ADAMTS19: variants seen among roughly 807,000 people sequenced by gnomAD.
ADAMTS19 encodes A disintegrin and metalloproteinase with thrombospondin motifs 19.
ADAMTS19 carries 93 observed loss-of-function variants against 153.3 expected under a neutral mutation model. The ratio of observed to expected loss-of-function variants is 0.61; its 90% CI spans 0.51 to 0.72. The LOEUF is 0.72. Among genes scored for constraint, ADAMTS19 ranks in the 30% least tolerant of loss-of-function variants. The pLI, the probability that ADAMTS19 is intolerant of heterozygous loss-of-function variation, is 0.00. For synonymous variants in ADAMTS19, 600 were observed against 556.6 expected (o/e 1.08, Z -1.10); for missense variants, 1,482 against 1,552.1 (o/e 0.95, Z 0.76).
At chr5:129,729,919 A>T (rs372169466) in intron 21 of ADAMTS19, among the ~76,000 whole-genome samples, 19 of 152,144 alleles carry the variant, frequency 1.2e-4, no homozygotes, top group African/African-American at 4.3e-4. Flanking sequence ...AATATCGAGA[A>T]CCTTCTTTAT....
intron 21 of ADAMTS19, among the ~76,000 whole-genome samples, chr5:129,711,242 T>C (rs567431076): frequency 6.6e-6 from 1 of 152,248 alleles, no homozygotes; most frequent in South Asian, 2.1e-4. Context: ...AAATAGAAAA[T>C]GTTAAGTATC....
chr5:129,606,952 C>T (rs1750927237), intron 8 of ADAMTS19, among the ~76,000 whole-genome samples: 1 of 151,978 alleles, frequency 6.6e-6, no homozygotes, highest in African/African-American at 2.4e-5. Context: ...GAGTCTCACT[C>T]TGTTGCCCAG....
At chr5:129,641,260 C>G (rs1484947865) in intron 10 of ADAMTS19, among the ~76,000 whole-genome samples, 1 of 152,046 alleles carries the variant, frequency 6.6e-6, no homozygotes, top group African/African-American at 2.4e-5. Context: ...ATTTTTTATT[C>G]CCTTTAACAT....
intron 2 of ADAMTS19, among the ~76,000 whole-genome samples, chr5:129,466,470 C>T (rs1442338402): frequency 6.6e-6 from 1 of 151,398 alleles, no homozygotes; most frequent in Admixed American, 6.6e-5. Context: ...AAAATAGGAA[C>T]AAACTGCTAT....
intron 8 of ADAMTS19, among the ~76,000 whole-genome samples, chr5:129,610,313 A>G (rs1018126561): frequency 3.3e-5 from 5 of 152,168 alleles, no homozygotes; most frequent in Admixed American, 6.6e-5. Context: ...ATCATACTTT[A>G]AGTTCTAGGG....
intron 3 of ADAMTS19, among the ~76,000 whole-genome samples, chr5:129,523,006 G>A (rs1751878416): frequency 6.7e-6 from 1 of 149,632 alleles, no homozygotes. Flanking sequence ...AGTGAGCGGA[G>A]ATCGCGACAC....
chr5:129,691,071 G>A (rs750488995), intron 18 of ADAMTS19, among the ~76,000 whole-genome samples: 2 of 152,000 alleles, frequency 1.3e-5, no homozygotes, highest in Admixed American at 6.6e-5. Context: ...CCATTTTATG[G>A]GTTAAATACA....
chr5:129,684,833 A>G (rs1348239907), intron 18 of ADAMTS19, among the ~76,000 whole-genome samples: 5 of 152,026 alleles, frequency 3.3e-5, no homozygotes, highest in African/African-American at 1.2e-4. Flanking sequence ...AAAAAATACA[A>G]AAAATTAGCC....
At chr5:129,668,146 T>C (rs1017106648) in intron 16 of ADAMTS19, among the ~76,000 whole-genome samples, 2 of 152,170 alleles carry the variant, frequency 1.3e-5, no homozygotes, top group Admixed American at 1.3e-4. Flanking sequence ...TGTGACCTTG[T>C]CACTCCATTG....
In ADAMTS19 at chr5:129,529,672, A is replaced by T. The variant is rs560167589; in HGVS notation, c.1328+995A>T. On this transcript the variant is annotated intron_variant, in intron 6 of 22. Transcript: ENST00000274487. ...GAAAAAATTCTTAACTAGCGTAGCA[A>T]GCTAGAATCTAGGTAGAGCACAGTG... 5.9e-5 allele frequency among the ~76,000 whole-genome samples: 9 copies of T among 152,300 alleles called. No individual in the cohort carries two copies. In the East Asian group the frequency reaches 1.7e-3, roughly 29 times the overall value.
chr5:129,672,851 T>C (rs1472525571), intron 16 of ADAMTS19, among the ~76,000 whole-genome samples: 1 of 152,028 alleles, frequency 6.6e-6, no homozygotes, highest in African/African-American at 2.4e-5. Context: ...CATATATGGC[T>C]ATTCAGATAT....
intron 22 of ADAMTS19, among the ~76,000 whole-genome samples, chr5:129,736,194 T>C (rs1260559832): frequency 6.6e-6 from 1 of 152,014 alleles, no homozygotes; most frequent in Non-Finnish European, 1.5e-5. Flanking sequence ...CTCCAACAAT[T>C]AGTTGGAGTC....
At chr5:129,695,959 AC>A (rs1755532977) in intron 19 of ADAMTS19, among the ~76,000 whole-genome samples, 1 of 152,166 alleles carries the variant, frequency 6.6e-6, no homozygotes, top group East Asian at 1.9e-4. Context: ...AACTGATATA[AC>A]CGTCTTCATG....
intron 10 of ADAMTS19, among the ~76,000 whole-genome samples, chr5:129,632,739 A>G (rs925122111): frequency 6.6e-6 from 1 of 152,006 alleles, no homozygotes; most frequent in African/African-American, 2.4e-5. Flanking sequence ...TCCATAGTTT[A>G]AGATGAGAAA....
intron 2 of ADAMTS19, among the ~76,000 whole-genome samples, chr5:129,480,990 A>G (rs1285572885): frequency 2.6e-5 from 4 of 152,326 alleles, no homozygotes; most frequent in South Asian, 2.1e-4. Flanking sequence ...AAAATATTTT[A>G]TATAATAATT....
rs182959230 is a variant in ADAMTS19 at position 129,483,920 on chromosome 5, G to A, written c.747+22163G>A. On this transcript the variant is annotated intron_variant, in intron 2 of 22. Transcript: ENST00000274487. The stretch of plus-strand genomic sequence containing the variant: ...TTTGAATGGGGGGTGGGGAGACACA[G>A]GGCTTGCGTTATTAAAAGTTTTATA... 1.8e-3 allele frequency among the ~76,000 whole-genome samples: 268 copies of A among 152,232 alleles called. 2 individuals carry two copies. The highest frequency in any genetic ancestry group is 3.4e-3 in the Middle Eastern group (1 of 294).
intron 17 of ADAMTS19, among the ~76,000 whole-genome samples, chr5:129,681,543 T>C (rs1754812655): frequency 6.6e-6 from 1 of 152,122 alleles, no homozygotes; most frequent in Non-Finnish European, 1.5e-5. Flanking sequence ...ATTACTCTAG[T>C]TTACAGATTA....
intron 17 of ADAMTS19, 79 bp from the exon 18 acceptor site, chr5:129,684,041 C>G: frequency 7.1e-7 from 1 of 1,414,484 alleles, no homozygotes; most frequent in Middle Eastern, 2.3e-4. Context: ...TTTTAAGTAT[C>G]AATATTGTTA....
At chr5:129,623,719 T>C (rs748773774) in intron 10 of ADAMTS19, among the ~76,000 whole-genome samples, 1 of 152,142 alleles carries the variant, frequency 6.6e-6, no homozygotes, top group Non-Finnish European at 1.5e-5. Context: ...TTCTCCAGCA[T>C]CTAGCCTAGG....
Sources: allele counts gnomAD v4.1 joint callset (sites outside exome capture counted in the v4.1 genomes callset), GRCh38; gene constraint gnomAD v4.1.1; transcripts MANE v1.5; gene names NCBI Gene and HGNC (gene_info 2026-07-23, HGNC 2026-07-21).